Variants in DIAPH1 observed in about 807,000 individuals in gnomAD.
The protein encoded by DIAPH1 is protein diaphanous homolog 1.
Under a neutral mutation model 140.7 loss-of-function variants are expected in DIAPH1, and 46 were observed. The ratio of observed to expected loss-of-function variants is 0.33; its 90% CI spans 0.26 to 0.42. The LOEUF is 0.42. Ranked by LOEUF, DIAPH1 falls within the 10% of genes least tolerant of loss-of-function variation. The pLI, the probability that DIAPH1 is intolerant of heterozygous loss-of-function variation, is 1.00. For synonymous variants in DIAPH1, 565 were observed against 551.6 expected, an observed-to-expected ratio of 1.02 and a Z score of -0.34; for missense variants, 1,310 against 1,558.7, an observed-to-expected ratio of 0.84 and a Z score of 2.69.
At chr5:141,520,278 A>C (rs982311785) in intron 27 of DIAPH1, among the ~76,000 whole-genome samples, 41 of 152,180 alleles carry the variant, frequency 2.7e-4, no homozygotes, top group African/African-American at 9.7e-4. Flanking sequence ...TGGTACAGGA[A>C]ATATTCTTAG....
chr5:141,583,342 T>C (rs867940474), intron 5 of DIAPH1, 50 bp from the exon 6 acceptor site: 8 of 1,606,164 alleles, frequency 5.0e-6, no homozygotes, highest in South Asian at 4.4e-5. Flanking sequence ...TAAATACTTA[T>C]TTGCCAAACA....
chr5:141,535,316 G>A (rs2099888850), intron 18 of DIAPH1, among the ~76,000 whole-genome samples: 2 of 152,038 alleles, frequency 1.3e-5, no homozygotes, highest in South Asian at 4.2e-4. Flanking sequence ...CTATGATTGA[G>A]GTAAAATATA....
intron 18 of DIAPH1, among the ~76,000 whole-genome samples, chr5:141,570,283 A>G (rs967203970): frequency 6.6e-6 from 1 of 152,212 alleles, no homozygotes; most frequent in Non-Finnish European, 1.5e-5. Flanking sequence ...ACAAATTAGA[A>G]AATCATTTAA....
chr5:141,587,423 A>G lies in DIAPH1; in HGVS notation c.145-226T>C. On this transcript the variant is annotated intron_variant, in intron 2 of 27. Coordinates refer to ENST00000389054, the MANE Select transcript of DIAPH1 (RefSeq NM_005219.5). ...TGTTCAAAGATAAGAGGACCAAAGTATTAAGATTTCAAACCTCTTTAAACT... is the reference window on the plus strand; with the variant it reads ...TGTTCAAAGATAAGAGGACCAAAGTGTTAAGATTTCAAACCTCTTTAAACT... The G allele has an allele frequency of 5.2e-6, 3 of 575,082 alleles. No homozygotes were observed. The South Asian group carries it at 6.1e-5, about 12-fold the overall frequency. 35.6% of individuals were successfully genotyped at this position (575,082 alleles called of 1,614,324 possible). A position where few individuals can be genotyped will look rare whatever the true frequency, so the allele number is the denominator to read the frequency against.
chr5:141,599,070 C>G (rs1463313216), intron 1 of DIAPH1, among the ~76,000 whole-genome samples: 1 of 152,128 alleles, frequency 6.6e-6, no homozygotes, highest in African/African-American at 2.4e-5. Context: ...AGAGAATACT[C>G]AGACAACTAA....
chr5:141,588,905 C>T (rs2099897949), intron 1 of DIAPH1: 1 of 152,212 alleles, frequency 6.6e-6, no homozygotes, highest in South Asian at 2.1e-4. Flanking sequence ...TTCTGATCCG[C>T]CATCTGGATA....
intron 2 of DIAPH1, 21 bp downstream of exon 2, chr5:141,588,203 T>C: frequency 6.2e-7 from 1 of 1,604,800 alleles, no homozygotes; most frequent in Non-Finnish European, 8.5e-7. Flanking sequence ...AACATGCACA[T>C]GCTAAACAAA....
intron 18 of DIAPH1, among the ~76,000 whole-genome samples, chr5:141,547,885 A>C (rs956440728): frequency 3.3e-5 from 5 of 152,234 alleles, no homozygotes; most frequent in African/African-American, 4.8e-5. Flanking sequence ...AAAACTGCTA[A>C]AAATCAGAGT....
At chr5:141,554,422 A>T in intron 18 of DIAPH1, among the ~76,000 whole-genome samples, 1 of 152,194 alleles carries the variant, frequency 6.6e-6, no homozygotes, top group Middle Eastern at 3.2e-3. Flanking sequence ...AAAGAACTAA[A>T]TCGGTGATCA....
At chr5:141,540,427 C>A (rs151204700) in intron 18 of DIAPH1, among the ~76,000 whole-genome samples, 1 of 152,010 alleles carries the variant, frequency 6.6e-6, no homozygotes. Flanking sequence ...GGACTACAGG[C>A]GCCTGCCACA....
intron 1 of DIAPH1, among the ~76,000 whole-genome samples, chr5:141,616,985 T>G (rs2099902786): frequency 6.6e-6 from 1 of 152,156 alleles, no homozygotes; most frequent in Non-Finnish European, 1.5e-5. Context: ...ACTTCACAAG[T>G]TCGTGAAATA....
In DIAPH1 at chr5:141,516,694, G is replaced by A; in HGVS notation, c.*157C>T. ...GGCCTCCAGGCAGCTGAAGCTGTATGTGATGTTGAGAGAGCAGCAGGCCAG... is the reference window on the plus strand; with the variant it reads ...GGCCTCCAGGCAGCTGAAGCTGTATATGATGTTGAGAGAGCAGCAGGCCAG... On this transcript the variant is annotated 3_prime_UTR_variant, in exon 28 of 28. Coordinates refer to ENST00000389054, the MANE Select transcript of DIAPH1 (RefSeq NM_005219.5). The A allele has an allele frequency of 1.2e-6, 1 of 811,758 alleles. No individual in the cohort carries two copies. The highest frequency in any genetic ancestry group is 1.5e-5 in the South Asian group (1 of 65,436). The allele number at this position is 811,758 out of a possible 1,614,324, so 50.3% of individuals were successfully genotyped here. A position where few individuals can be genotyped will look rare whatever the true frequency, so the allele number is the denominator to read the frequency against.
chr5:141,526,573 GCA>G, intron 24 of DIAPH1, 112 bp from the exon 25 acceptor site: 1 of 1,331,050 alleles, frequency 7.5e-7, no homozygotes, highest in Non-Finnish European at 1.1e-6. Flanking sequence ...GTTCAATACA[GCA>G]CTGTTTATAA....
intron 1 of DIAPH1, among the ~76,000 whole-genome samples, chr5:141,616,926 G>T (rs1459174725): frequency 2.0e-5 from 3 of 152,118 alleles, no homozygotes; most frequent in Non-Finnish European, 4.4e-5. Context: ...GGTGAAAAGG[G>T]GTTGAGCTTC....
At chr5:141,570,203 C>A (rs2099894966) in intron 18 of DIAPH1, among the ~76,000 whole-genome samples, 1 of 152,138 alleles carries the variant, frequency 6.6e-6, no homozygotes, top group Non-Finnish European at 1.5e-5. Context: ...TGCAATGGCA[C>A]TAAAAGTGCA....
intron 1 of DIAPH1, among the ~76,000 whole-genome samples, chr5:141,614,682 G>C (rs2099902377): frequency 6.6e-6 from 1 of 152,102 alleles, no homozygotes; most frequent in Admixed American, 6.5e-5. Context: ...CTCATGATCT[G>C]TCCTTAAGAC....
chr5:141,534,087 G>C lies in DIAPH1; in HGVS notation c.2581+248C>G, dbSNP rs553742091. Among the ~76,000 whole-genome samples the C allele has an allele frequency of 2.6e-4, 37 of 144,772 alleles. No homozygotes were observed. The South Asian group carries it at 8.1e-3, about 32-fold the overall frequency. The allele number at this position is 144,772 out of a possible 152,430, so 95.0% of individuals were successfully genotyped here. A position where few individuals can be genotyped will look rare whatever the true frequency, so the allele number is the denominator to read the frequency against. ...CAAATCCCAGACCTCCTTCTTACTA[G>C]CTTTATGTCTAAGCAAATTCCTAAA... On this transcript the variant is annotated intron_variant, in intron 19 of 27. Coordinates refer to ENST00000389054, the MANE Select transcript of DIAPH1 (RefSeq NM_005219.5).
At chr5:141,543,223 G>A (rs1008342919) in intron 18 of DIAPH1, among the ~76,000 whole-genome samples, 3 of 152,006 alleles carry the variant, frequency 2.0e-5, no homozygotes, top group African/African-American at 4.8e-5. Flanking sequence ...GCTGCAACAC[G>A]AACCTTGCAA....
chr5:141,564,930 A>C (rs1188040650), intron 18 of DIAPH1: 2 of 152,168 alleles, frequency 1.3e-5, no homozygotes, highest in Non-Finnish European at 2.9e-5. Context: ...ACTAGACATT[A>C]CCATAAATAT....
Sources: gnomAD v4.1 joint callset for allele counts (sites outside exome capture counted in the v4.1 genomes callset) on GRCh38, gnomAD v4.1.1 for gene constraint, MANE v1.5 for transcripts, NCBI Gene and HGNC (gene_info 2026-07-23, HGNC 2026-07-21) for gene names.